PCDHGA6: variants seen among roughly 807,000 people sequenced by gnomAD.
PCDHGA6 encodes protocadherin gamma-A6.
Under a neutral mutation model 60.6 loss-of-function variants are expected in PCDHGA6, and 41 were observed. That is an observed-to-expected ratio of 0.68 (90% confidence interval 0.53 to 0.88). PCDHGA6 has a LOEUF of 0.88. Ranked by LOEUF, PCDHGA6 falls within the 40% of genes least tolerant of loss-of-function variation. The pLI is 0.00. For synonymous variants in PCDHGA6, 594 were observed against 524.4 expected (o/e 1.13, Z -1.81); for missense variants, 1,312 against 1,203.0 (o/e 1.09, Z -1.34).
Position 141,485,138 on chromosome 5 carries a change from T to A in PCDHGA6, c.2425-9669T>A, listed in dbSNP as rs374309554. On this transcript the variant is annotated intron_variant, in intron 1 of 3. Coordinates refer to ENST00000517434, the MANE Select transcript of PCDHGA6 (RefSeq NM_018919.3). This position sits in a 1 kb window ranked among gnomAD's most constrained non-coding sequence, Gnocchi z 5.7. ...TTGGGGCGGGTCGGCTTCATCCGCG[T>A]CTCAGGAGCAAGTAGAGAATTAGCG... is the stretch of plus-strand genomic sequence containing the variant. 17 of 1,528,690 alleles carry A rather than the reference T, an allele frequency of 1.1e-5. No individual in the cohort carries two copies. The highest frequency in any genetic ancestry group is 1.3e-5 in the Non-Finnish European group (14 of 1,109,458). 94.7% of individuals were successfully genotyped at this position (1,528,690 alleles called of 1,614,324 possible).
chr5:141,389,274 C>A, intron 1 of PCDHGA6: 1 of 1,614,032 alleles, frequency 6.2e-7, no homozygotes, highest in Non-Finnish European at 8.5e-7. Flanking sequence ...CGAGAACAAC[C>A]CGCCTGGAGC....
At chr5:141,447,197 T>C (rs1249080495) in intron 1 of PCDHGA6, among the ~76,000 whole-genome samples, 7 of 152,188 alleles carry the variant, frequency 4.6e-5, no homozygotes, top group Admixed American at 4.6e-4. Context: ...TGGAGTGCAA[T>C]GGCTTGATCT....
chr5:141,400,515 T>C lies in PCDHGA6; in HGVS notation c.2424+24008T>C, dbSNP rs367864769. On this transcript the variant is annotated intron_variant, in intron 1 of 3. Coordinates refer to ENST00000517434, the MANE Select transcript of PCDHGA6 (RefSeq NM_018919.3). ...GTAATTCCAGCGAGTCGACTTCCCATCCTGAGTTGGTGAGTTTCATTTATG... is the reference window on the plus strand; with the variant it reads ...GTAATTCCAGCGAGTCGACTTCCCACCCTGAGTTGGTGAGTTTCATTTATG... 2,129 of 1,613,988 alleles carry C rather than the reference T, an allele frequency of 1.3e-3. 41 individuals are homozygous for C. In the South Asian group the frequency reaches 0.02, roughly 15 times the overall value.
At position 141,414,245 on chromosome 5, in the gene PCDHGA6, T is replaced by G. The variant is rs760119941; in HGVS notation, c.2424+37738T>G. On this transcript the variant is annotated intron_variant, in intron 1 of 3. Transcript: ENST00000517434. ...CCAGAGCTGACCATCACGTCTCTAT[T>G]TAGTCCAGTGACTGAAGATTCACCT... 49 of 1,613,380 alleles carry G rather than the reference T, an allele frequency of 3.0e-5. 1 individual carries two copies. The highest frequency in any genetic ancestry group is 1.3e-4 in the South Asian group (12 of 90,978).
intron 1 of PCDHGA6, among the ~76,000 whole-genome samples, chr5:141,446,621 C>G (rs1284919173): frequency 6.6e-6 from 1 of 152,094 alleles, no homozygotes; most frequent in African/African-American, 2.4e-5. Context: ...GGACTACAGG[C>G]GTGCACCACC....
Position 141,511,313 on chromosome 5 carries a change from C to T in PCDHGA6, c.*140C>T. ...CCAAGGCCATGCTCCCCTTGGGAAA[C>T]AGAAACAAGTGCCCAGTCAGCACCT... On this transcript the variant is annotated 3_prime_UTR_variant, in exon 4 of 4. Transcript: ENST00000517434. 2 of 1,482,944 alleles carry T rather than the reference C, an allele frequency of 1.3e-6. No homozygotes were observed. The highest frequency in any genetic ancestry group is 2.3e-5 in the Admixed American group (1 of 43,596). 91.9% of individuals were successfully genotyped at this position (1,482,944 alleles called of 1,614,324 possible).
intron 3 of PCDHGA6, among the ~76,000 whole-genome samples, chr5:141,508,789 A>C: frequency 1.4e-5 from 2 of 145,944 alleles, no homozygotes; most frequent in African/African-American, 2.6e-5. Context: ...CCCCTAAATC[A>C]CTCTGGAATC....
intron 1 of PCDHGA6, chr5:141,403,227 G>T: frequency 1.9e-6 from 3 of 1,608,966 alleles, no homozygotes; most frequent in Non-Finnish European, 2.6e-6. Context: ...AGGATAGACC[G>T]GGAGGAGCTC....
Position 141,421,726 on chromosome 5 carries a change from T to G in PCDHGA6, c.2424+45219T>G. On this transcript the variant is annotated intron_variant, in intron 1 of 3. Transcript: ENST00000517434. The stretch of plus-strand genomic sequence containing the variant: ...TAGGGATCCAGATGTGGGCGTGAAC[T>G]CCCTCCAGAGCTACCAGCTCAGCCC... 1 of 1,613,928 alleles carries G rather than the reference T, an allele frequency of 6.2e-7. No homozygotes were observed. Among genetic ancestry groups the G allele is most frequent in the Non-Finnish European group, 8.5e-7 (1 of 1,179,852 alleles).
chr5:141,399,775 G>T, intron 1 of PCDHGA6: 3 of 1,613,282 alleles, frequency 1.9e-6, no homozygotes, highest in Non-Finnish European at 2.5e-6. Context: ...GTTGGTGGGC[G>T]ACCGAAACGA....
intron 1 of PCDHGA6, among the ~76,000 whole-genome samples, chr5:141,386,304 C>T (rs1239396408): frequency 6.6e-6 from 1 of 152,104 alleles, no homozygotes; most frequent in African/African-American, 2.4e-5. Flanking sequence ...TAGTAAAGCT[C>T]AGTATATCAA....
chr5:141,413,248 GGGATTCCATGGGA>G (rs1349440144), intron 1 of PCDHGA6: 4 of 1,613,844 alleles, frequency 2.5e-6, no homozygotes, highest in Non-Finnish European at 2.5e-6. Context: ...CCTTTTCTTC[GGGATTCCATGGGA>G]GGCTGGAGCC....
chr5:141,485,260 G>C lies in PCDHGA6; in HGVS notation c.2425-9547G>C. ...TTTACCACCTGGGTTACGTTTGTGG[G>C]CAGATCCGCTACCCGGTCCCAGAGG... is the stretch of plus-strand genomic sequence containing the variant. On this transcript the variant is annotated intron_variant, in intron 1 of 3. Transcript: ENST00000517434. The surrounding 1 kb of genome is among the most constrained non-coding windows in gnomAD (Gnocchi z 5.7). 1 of 1,614,122 alleles carries C rather than the reference G, an allele frequency of 6.2e-7. No homozygotes were observed. The highest frequency in any genetic ancestry group is 8.5e-7 in the Non-Finnish European group (1 of 1,179,966).
rs2233600 is a variant in PCDHGA6, at chr5:141,489,134, A to C, written c.2425-5673A>C. 9,827 of 731,232 alleles carry C rather than the reference A, an allele frequency of 0.013. 1,099 individuals are homozygous for C. The East Asian group carries it at 0.25, about 19-fold the overall frequency. The allele number at this position is 731,232 out of a possible 1,614,324, so 45.3% of individuals were successfully genotyped here. A position where few individuals can be genotyped will look rare whatever the true frequency, so the allele number is the denominator to read the frequency against. Reference sequence around the variant, plus strand: ...GGCAAACCTCCGAGCAGTTTTTAAGAGGCTGGAAGGAGACATAAGAGACTT... The same window carrying C: ...GGCAAACCTCCGAGCAGTTTTTAAGCGGCTGGAAGGAGACATAAGAGACTT... On this transcript the variant is annotated intron_variant, in intron 1 of 3. Transcript: ENST00000517434. The surrounding 1 kb of genome is among the most constrained non-coding windows in gnomAD (Gnocchi z 4.5).
rs182404532 is a variant in PCDHGA6 at position 141,384,827 on chromosome 5, T to G, written c.2424+8320T>G. ...AGAGATGCCCTCAAGCAGAGCCTCGTGGTGGCCGTCCAGGACCACGGTCAG... is the reference window on the plus strand; with the variant it reads ...AGAGATGCCCTCAAGCAGAGCCTCGGGGTGGCCGTCCAGGACCACGGTCAG... On this transcript the variant is annotated intron_variant, in intron 1 of 3. Coordinates refer to ENST00000517434, the MANE Select transcript of PCDHGA6 (RefSeq NM_018919.3). 8,704 of 1,613,474 alleles carry G rather than the reference T, an allele frequency of 5.4e-3. 36 individuals carry two copies. The highest frequency in any genetic ancestry group is 6.5e-3 in the Non-Finnish European group (7,724 of 1,179,900).
At chr5:141,442,403 G>A (rs1042068651) in intron 1 of PCDHGA6, 2 of 152,168 alleles carry the variant, frequency 1.3e-5, no homozygotes, top group African/African-American at 4.8e-5. Context: ...TACGAATCCA[G>A]GGCTGAGTGA....
Position 141,485,863 on chromosome 5 carries a change from A to G in PCDHGA6, c.2425-8944A>G, listed in dbSNP as rs770864367. 78 of 1,614,054 alleles carry G rather than the reference A, an allele frequency of 4.8e-5. No individual in the cohort carries two copies. Among genetic ancestry groups the G allele is most frequent in the Non-Finnish European group, 6.0e-5 (71 of 1,180,040 alleles). ...GATCTGGCACCGCAGAGCTCCGGGT[A>G]TCCGTGCTGGACGTAAACGACAACG... On this transcript the variant is annotated intron_variant, in intron 1 of 3. Coordinates refer to ENST00000517434, the MANE Select transcript of PCDHGA6 (RefSeq NM_018919.3). The surrounding 1 kb of genome is among the most constrained non-coding windows in gnomAD (Gnocchi z 5.7).
rs1231167998 is a variant in PCDHGA6, at chr5:141,399,197, T to C, written c.2424+22690T>C. 1.9e-6 allele frequency: 3 copies of C among 1,613,808 alleles called. No individual in the cohort carries two copies. In the African/African-American group the frequency reaches 4.0e-5, roughly 22 times the overall value. On this transcript the variant is annotated intron_variant, in intron 1 of 3. Transcript: ENST00000517434. ...CTTGAAATGATTCTGGAAAACGCGGTGCCTGGAACACTAATTGCTTTGATC... is the reference window on the plus strand; with the variant it reads ...CTTGAAATGATTCTGGAAAACGCGGCGCCTGGAACACTAATTGCTTTGATC...
intron 1 of PCDHGA6, among the ~76,000 whole-genome samples, chr5:141,475,504 T>C (rs1202550150): frequency 1.3e-5 from 2 of 152,254 alleles, no homozygotes; most frequent in Non-Finnish European, 2.9e-5. Flanking sequence ...AAATTATTAA[T>C]GTCTCCACGG....
Sources: gnomAD v4.1 joint callset for allele counts (sites outside exome capture counted in the v4.1 genomes callset) on GRCh38, gnomAD v4.1.1 for gene constraint, Gnocchi (gnomAD v3.1) non-coding constraint, MANE v1.5 for transcripts, NCBI Gene and HGNC (gene_info 2026-07-23, HGNC 2026-07-21) for gene names.